Variants in MADD observed in about 807,000 individuals in gnomAD.
MADD encodes the protein MAP kinase-activating death domain protein.
A neutral mutation model predicts 176.7 loss-of-function variants in MADD; 109 were observed. The observed-to-expected ratio is 0.62, with a 90% CI of 0.53 to 0.72. The LOEUF (loss-of-function observed/expected upper bound fraction) is 0.72. Ranked by LOEUF, MADD falls within the 30% of genes least tolerant of loss-of-function variation. The probability of loss-of-function intolerance (pLI) is 0.00; values close to 1 mark genes in which losing one functional copy is unlikely to be tolerated. For synonymous variants in MADD, 771 were observed against 771.3 expected, an observed-to-expected ratio of 1.00 and a Z score of 0.01; for missense variants, 1,914 against 2,045.5, an observed-to-expected ratio of 0.94 and a Z score of 1.24.
chr11:47,305,780 TC>T (rs1168266319), intron 22 of MADD, among the ~76,000 whole-genome samples: 1 of 152,146 alleles, frequency 6.6e-6, no homozygotes, highest in Non-Finnish European at 1.5e-5. Flanking sequence ...CAAGTCCAGT[TC>T]CAGGGAAGCA....
chr11:47,278,240 C>T (rs1278535514), exon 6 of MADD: 1 of 1,613,916 alleles, frequency 6.2e-7, no homozygotes, highest in Non-Finnish European at 8.5e-7. Flanking sequence ...CTTCAAAATG[C>T]CTGATGATGT....
chr11:47,289,788 G>A lies in MADD; in HGVS notation c.2757-79G>A, dbSNP rs117191186. 1.8e-4 allele frequency: 273 copies of A among 1,502,402 alleles called. 1 individual carries two copies. The East Asian group carries it at 5.0e-3, about 28-fold the overall frequency. The allele number at this position is 1,502,402 out of a possible 1,614,324, so 93.1% of individuals were successfully genotyped here. A position where few individuals can be genotyped will look rare whatever the true frequency, so the allele number is the denominator to read the frequency against. On this transcript the variant is annotated intron_variant, in intron 16 of 32. Transcript: ENST00000402192. ...GCTTTGTGTTTTACCCCTGGAGGCAGACATCTAGTCTGGGTGAAAGGTGGG... is the reference window on the plus strand; with the variant it reads ...GCTTTGTGTTTTACCCCTGGAGGCAAACATCTAGTCTGGGTGAAAGGTGGG...
At chr11:47,294,358 A>AAAAAT (rs1555053897) in intron 20 of MADD, among the ~76,000 whole-genome samples, 1 of 117,314 alleles carries the variant, frequency 8.5e-6, no homozygotes, top group Non-Finnish European at 1.7e-5. Context: ...CAAAAAAAAA[A>AAAAAT]AAAAATAAAA....
rs1435573949 is a variant in MADD at position 47,324,456 on chromosome 11, C to T, written c.4436-15C>T. The T allele has an allele frequency of 2.5e-6, 4 of 1,608,370 alleles. No individual in the cohort carries two copies. In the African/African-American group the frequency reaches 4.0e-5, roughly 16 times the overall value. On this transcript the variant is annotated splice_polypyrimidine_tract_variant and intron_variant, in intron 29 of 32. Transcript: ENST00000402192. ...CACCTCACCAGTGAGCTGATAGCCCCCTCCCTCACCACAGGACCTGAATTG... is the reference window on the plus strand; with the variant it reads ...CACCTCACCAGTGAGCTGATAGCCCTCTCCCTCACCACAGGACCTGAATTG...
At chr11:47,290,845 A>T in intron 19 of MADD, 29 bp downstream of exon 20, 1 of 1,557,036 alleles carries the variant, frequency 6.4e-7, no homozygotes, top group South Asian at 1.1e-5. Flanking sequence ...GGTGTGGTGG[A>T]GGGGTCCTGG....
chr11:47,276,994 A>G, intron 5 of MADD, 131 bp downstream of exon 5: 1 of 1,065,202 alleles, frequency 9.4e-7, no homozygotes, highest in South Asian at 1.6e-5. Flanking sequence ...ACAAAATCTG[A>G]CTGATTTGAA....
exon 1 of MADD, chr11:47,270,180 G>A (rs1009171083): frequency 6.6e-6 from 1 of 152,166 alleles, no homozygotes; most frequent in African/African-American, 2.4e-5. Flanking sequence ...CCGCGCTGGG[G>A]AGCGACTGAC....
At chr11:47,290,206 A>G in exon 18 of MADD, 1 of 1,614,176 alleles carries the variant, frequency 6.2e-7, no homozygotes, top group South Asian at 1.1e-5. Flanking sequence ...TACAGTCCTC[A>G]GCTTGGAGCA....
chr11:47,328,435 G>A, intron 31 of MADD: 10 of 1,433,246 alleles, frequency 7.0e-6, no homozygotes, highest in African/African-American at 1.4e-5. Flanking sequence ...GCGGATGACA[G>A]AGGCCTAGCT....
chr11:47,327,178 T>C lies in MADD; in HGVS notation c.4612+371T>C, dbSNP rs1472544429. 8.8e-6 allele frequency: 9 copies of C among 1,021,396 alleles called. No homozygotes were observed. The African/African-American group carries it at 1.5e-4, about 17-fold the overall frequency. 63.3% of individuals were successfully genotyped at this position (1,021,396 alleles called of 1,614,324 possible). A position where few individuals can be genotyped will look rare whatever the true frequency, so the allele number is the denominator to read the frequency against. On this transcript the variant is annotated intron_variant, in intron 31 of 32. Transcript: ENST00000402192. ...TCCATGTCACCTGCTGCAATCTCTCTAGCAGCCCAGTGCGCTAGCCAGCCT... is the reference window on the plus strand; with the variant it reads ...TCCATGTCACCTGCTGCAATCTCTCCAGCAGCCCAGTGCGCTAGCCAGCCT...
intron 10 of MADD, among the ~76,000 whole-genome samples, chr11:47,283,412 T>A (rs563725843): frequency 6.6e-6 from 1 of 151,398 alleles, no homozygotes; most frequent in Admixed American, 6.6e-5. Flanking sequence ...TATTTTTGTA[T>A]GTATGTGACA....
exon 5 of MADD, chr11:47,276,806 G>A (rs2136483213): frequency 6.2e-7 from 1 of 1,614,156 alleles, no homozygotes; most frequent in South Asian, 1.1e-5. Flanking sequence ...TCTACCCACT[G>A]GAGTATATGT....
exon 12 of MADD, chr11:47,284,529 C>T (rs370184230): frequency 5.6e-5 from 90 of 1,613,984 alleles, no homozygotes; most frequent in South Asian, 2.5e-4. Flanking sequence ...CCACAGCCAG[C>T]AGCAGCCCCA....
chr11:47,297,421 A>G (rs921018602), intron 22 of MADD, among the ~76,000 whole-genome samples: 1 of 150,936 alleles, frequency 6.6e-6, no homozygotes, highest in Non-Finnish European at 1.5e-5. Context: ...TTTTGTGCTG[A>G]CAGTTTATTA....
rs7124958 is a variant in MADD, at chr11:47,325,709, C to T, written c.4543-1029C>T. Among the ~76,000 whole-genome samples the T allele has an allele frequency of 0.28, 42,737 of 152,172 alleles. 7,361 individuals carry two copies. Among genetic ancestry groups the T allele is most frequent in the East Asian group, 0.6 (3,085 of 5,174 alleles). ...CTGGACCACAAAGGTGTCAGTACTTCTTGGGGAGCAGACTTCTGACCACAT... is the reference window on the plus strand; with the variant it reads ...CTGGACCACAAAGGTGTCAGTACTTTTTGGGGAGCAGACTTCTGACCACAT... On this transcript the variant is annotated intron_variant, in intron 30 of 32. Coordinates refer to ENST00000402192, the Ensembl canonical transcript of MADD. This position sits in a 1 kb window ranked among gnomAD's most constrained non-coding sequence, Gnocchi z 4.5.
At chr11:47,322,884 G>T (rs1010417657) in intron 27 of MADD, among the ~76,000 whole-genome samples, 2 of 152,150 alleles carry the variant, frequency 1.3e-5, no homozygotes, top group Admixed American at 1.3e-4. Context: ...TCCTGAGCTT[G>T]TAAGATGGAG....
At chr11:47,290,184 C>T in exon 18 of MADD, 1 of 1,614,144 alleles carries the variant, frequency 6.2e-7, no homozygotes, top group Non-Finnish European at 8.5e-7. Flanking sequence ...GAATGTTAGA[C>T]CTCCTCAAGT....
chr11:47,282,907 G>C (rs926317462), exon 10 of MADD: 20 of 1,614,026 alleles, frequency 1.2e-5, no homozygotes, highest in Non-Finnish European at 1.7e-5. Context: ...GCAATTCCCA[G>C]CTGGCTGAGG....
At position 47,275,903 on chromosome 11, in the gene MADD, A is replaced by G. The variant is rs765406018; in HGVS notation, c.664A>G (p.Thr222Ala). 5.0e-6 allele frequency: 8 copies of G among 1,603,824 alleles called. No individual in the cohort carries two copies. In the African/African-American group the frequency reaches 1.1e-4, roughly 21 times the overall value. The change falls in exon 4 of 33, where the codon ACC (threonine) becomes GCC (alanine). Residue 222 changes from threonine (T) to alanine (A), a missense_variant. Around this residue, in one of 2 missense-constraint regions of MADD, gnomAD observed 1,767 missense variants for 1,836.0 expected, o/e 0.96. Coordinates refer to ENST00000402192, the Ensembl canonical transcript of MADD. ...TTCCTGCTGTCTGCTTCTCAGGGACACCATGTGGCGGATCTTTACTGGATC... is the reference window on the plus strand; with the variant it reads ...TTCCTGCTGTCTGCTTCTCAGGGACGCCATGTGGCGGATCTTTACTGGATC...
Sources: allele counts gnomAD v4.1 joint callset (sites outside exome capture counted in the v4.1 genomes callset), GRCh38; gene constraint gnomAD v4.1.1; regional missense constraint gnomAD v4.1.1; non-coding constraint Gnocchi (gnomAD v3.1); transcripts MANE v1.5; gene names NCBI Gene and HGNC (gene_info 2026-07-23, HGNC 2026-07-21).